RANBP1: variants seen among roughly 807,000 people sequenced by gnomAD.
RANBP1 encodes the protein RAN binding protein 1.
In RANBP1, 16 loss-of-function variants were observed where a neutral mutation model predicts 31.4. The observed-to-expected ratio is 0.51, with a 90% CI of 0.34 to 0.77. RANBP1 has a LOEUF of 0.77. Among genes scored for constraint, RANBP1 ranks in the 30% least tolerant of loss-of-function variants. RANBP1 has a pLI of 0.01. For missense variants in RANBP1, 265 were observed against 362.0 expected (o/e 0.73, Z 2.17); for synonymous variants, 129 against 140.5 (o/e 0.92, Z 0.58).
chr22:20,116,852 C>T (rs1568976382), intron 1 of RANBP1: 1 of 1,599,492 alleles, frequency 6.3e-7, no homozygotes, highest in Non-Finnish European at 8.5e-7. Flanking sequence ...ACCCCATCCC[C>T]GTCTCTACCC....
intron 3 of RANBP1, among the ~76,000 whole-genome samples, chr22:20,122,952 T>C (rs1490017253): frequency 1.6e-5 from 1 of 63,582 alleles, no homozygotes; most frequent in Non-Finnish European, 2.9e-5. Context: ...TGTGGTTGGG[T>C]GTGGTGTTTG....
At position 20,117,978 on chromosome 22, in the gene RANBP1, G is replaced by A. The variant is rs1242303315; in HGVS notation, c.247-1035G>A. ...GCCTCCAGGAACTGGTGCGGGCGGC[G>A]GGTTTCCTCCGGCTCGGCCCACTTG... On this transcript the variant is annotated intron_variant, in intron 1 of 5. Coordinates refer to ENST00000430524, the MANE Select transcript of RANBP1 (RefSeq NM_001278639.2). 5 of 1,001,990 alleles carry A rather than the reference G, an allele frequency of 5.0e-6. No individual in the cohort carries two copies. The East Asian group carries it at 5.3e-4, about 106-fold the overall frequency. 62.1% of individuals were successfully genotyped at this position (1,001,990 alleles called of 1,614,324 possible).
intron 3 of RANBP1, among the ~76,000 whole-genome samples, chr22:20,123,168 G>A (rs1387775405): frequency 7.2e-6 from 1 of 138,646 alleles, no homozygotes; most frequent in African/African-American, 2.7e-5. Flanking sequence ...AGGTGTGTCG[G>A]GGCATGTGTG....
intron 1 of RANBP1, chr22:20,117,308 CCGGGA>C (rs2050058089): frequency 9.4e-6 from 9 of 953,898 alleles, no homozygotes; most frequent in Non-Finnish European, 1.2e-5. Flanking sequence ...GCGCGCGTGG[CCGGGA>C]CGGAAGTGCG....
intron 2 of RANBP1, among the ~76,000 whole-genome samples, chr22:20,122,008 G>A (rs1206069390): frequency 6.6e-6 from 1 of 151,156 alleles, no homozygotes; most frequent in Non-Finnish European, 1.5e-5. Context: ...CCGAATGCTG[G>A]GATTACAAAT....
chr22:20,126,075 C>T (rs1057028826), intron 4 of RANBP1, among the ~76,000 whole-genome samples: 1 of 152,270 alleles, frequency 6.6e-6, no homozygotes, highest in African/African-American at 2.4e-5. Context: ...CAAAGAGGCC[C>T]ATGCCCCTTG....
At chr22:20,119,203 T>C in intron 2 of RANBP1, 54 bp downstream of exon 2, 1 of 1,549,704 alleles carries the variant, frequency 6.5e-7, no homozygotes, top group Non-Finnish European at 8.9e-7. Context: ...GGTTACAACT[T>C]TTATGGGTGT....
chr22:20,116,842 A>T, intron 1 of RANBP1: 1 of 562,262 alleles, frequency 1.8e-6, no homozygotes. Flanking sequence ...GCCTCCTCCC[A>T]CCCCATCCCC....
chr22:20,123,564 C>T (rs576636294), intron 3 of RANBP1, among the ~76,000 whole-genome samples: 1 of 151,922 alleles, frequency 6.6e-6, no homozygotes, highest in South Asian at 2.1e-4. Context: ...AGGCACCAGC[C>T]TCCCCAGTTA....
intron 2 of RANBP1, among the ~76,000 whole-genome samples, chr22:20,122,032 C>T (rs958307092): frequency 3.9e-5 from 6 of 151,968 alleles, no homozygotes; most frequent in South Asian, 2.1e-4. Context: ...CCACCGCGCC[C>T]GGTCGTCTAA....
At chr22:20,121,249 G>A (rs2147980206) in intron 2 of RANBP1, among the ~76,000 whole-genome samples, 1 of 151,862 alleles carries the variant, frequency 6.6e-6, no homozygotes, top group South Asian at 2.1e-4. Flanking sequence ...CCCCGCGCCT[G>A]CTCTCTCTTT....
intron 1 of RANBP1, among the ~76,000 whole-genome samples, 163 bp from the exon 2 acceptor site, chr22:20,118,850 C>T (rs1050652746): frequency 1.3e-5 from 2 of 152,218 alleles, no homozygotes; most frequent in African/African-American, 4.8e-5. Context: ...CAGAGCTTTC[C>T]TAGTGTGGAA....
At chr22:20,121,564 T>A (rs1347559671) in intron 2 of RANBP1, among the ~76,000 whole-genome samples, 1 of 151,460 alleles carries the variant, frequency 6.6e-6, no homozygotes, top group Non-Finnish European at 1.5e-5. Context: ...TGTTTTTTTT[T>A]AAAATAGGGT....
Position 20,116,306 on chromosome 22 carries a change from A to T in RANBP1, c.122A>T (p.Gln41Leu). 1.2e-6 allele frequency: 2 copies of T among 1,612,934 alleles called. No homozygotes were observed. Reference sequence around the variant, plus strand: ...GCGCTGCGGAATGTCACAAAGGCGCAGGGTGGTTGCCCAAAGAGTTTGGTT... The same window carrying T: ...GCGCTGCGGAATGTCACAAAGGCGCTGGGTGGTTGCCCAAAGAGTTTGGTT... ...SAALRNVTKA[Q>L]GGCPKSLVLW... Residue 41 changes from glutamine to leucine, a missense_variant, in exon 1 of 6, where the codon CAG becomes CTG. Around this residue, in one of 3 missense-constraint regions of RANBP1, gnomAD observed 126 missense variants for 123.6 expected, o/e 1.02. Transcript: ENST00000430524.
At chr22:20,117,195 C>T in intron 1 of RANBP1, 1 of 545,292 alleles carries the variant, frequency 1.8e-6, no homozygotes, top group Non-Finnish European at 3.0e-6. Flanking sequence ...CTTAGTCCGC[C>T]AGCGCGTGCG....
chr22:20,117,551 G>A (rs1266840411), intron 1 of RANBP1: 4 of 1,406,182 alleles, frequency 2.8e-6, no homozygotes, highest in Admixed American at 2.8e-5. Flanking sequence ...GGGAGGCGCC[G>A]GCGCCAGACG....
At chr22:20,117,589 C>G (rs926115025) in intron 1 of RANBP1, 2 of 1,380,820 alleles carry the variant, frequency 1.4e-6, no homozygotes, top group Non-Finnish European at 1.9e-6. Flanking sequence ...GAGTAGCCGC[C>G]GAGAGGCCGC....
rs772355561 is a variant in RANBP1 at position 20,122,356 on chromosome 22, A to G, written c.476A>G (p.Glu159Gly). The G allele has an allele frequency of 3.1e-6, 5 of 1,613,168 alleles. No individual in the cohort carries two copies. The highest frequency in any genetic ancestry group is 4.2e-6 in the Non-Finnish European group (5 of 1,179,990). Residue 159 changes from glutamate (E) to glycine (G), a missense_variant, in exon 3 of 6, where the codon GAG (glutamate) becomes GGG (glycine). By Grantham distance (98) the Glu-to-Gly change is moderately conservative (BLOSUM62 -2). Around this residue, in one of 3 missense-constraint regions of RANBP1, gnomAD observed 90 missense variants for 190.5 expected, o/e 0.47. Transcript: ENST00000430524. ...GACGTCAAGCTCCTGAAGCACAAGG[A>G]GAAAGGGGCCATCCGCCTCCTCATG... ...TGDVKLLKHK[E>G]KGAIRLLMRR...
At chr22:20,125,540 A>C in intron 4 of RANBP1, 104 bp downstream of exon 4, 1 of 1,540,846 alleles carries the variant, frequency 6.5e-7, no homozygotes, top group Non-Finnish European at 8.7e-7. Flanking sequence ...GAGAGGGGGC[A>C]GTAACTGGGA....
Sources: allele counts gnomAD v4.1 joint callset (sites outside exome capture counted in the v4.1 genomes callset), GRCh38; gene constraint gnomAD v4.1.1; regional missense constraint gnomAD v4.1.1; transcripts MANE v1.5; gene names NCBI Gene and HGNC (gene_info 2026-07-23, HGNC 2026-07-21).